KIR2DL3: variants seen among roughly 807,000 people sequenced by gnomAD.
KIR2DL3 encodes killer cell immunoglobulin like receptor, two Ig domains and long cytoplasmic tail 3.
KIR2DL3 carries 39 observed loss-of-function variants against 33.8 expected under a neutral mutation model. That is an observed-to-expected ratio of 1.15 (90% CI 0.89 to 1.51). The LOEUF is 1.51. Among genes scored for constraint, KIR2DL3 ranks in the 40% most tolerant of loss-of-function variants. KIR2DL3 has a pLI of 0.00. For missense variants in KIR2DL3, 462 were observed against 426.2 expected, an observed-to-expected ratio of 1.08 and a Z score of -0.74; for synonymous variants, 174 against 160.2, an observed-to-expected ratio of 1.09 and a Z score of -0.65.
At chr19:54,747,524 C>G in intron 5 of KIR2DL3, 139 bp downstream of exon 5, 2 of 1,156,316 alleles carry the variant, frequency 1.7e-6, no homozygotes, top group Non-Finnish European at 2.6e-6. Context: ...GATACTCCAA[C>G]AGCGAAAGGG....
chr19:54,739,044 G>A (rs796738258), intron 1 of KIR2DL3, among the ~76,000 whole-genome samples: 101 of 148,832 alleles, frequency 6.8e-4, no homozygotes, highest in African/African-American at 2.5e-3. Context: ...TATGGGCCAG[G>A]AGTGGAGTTA....
chr19:54,751,541 T>C lies in KIR2DL3; in HGVS notation c.716-108T>C, dbSNP rs1218111101. Reference sequence around the variant, plus strand: ...GGGTCTCCCTCCATCTGGGTGCTTGTCCTAAAGGGGTGTTGTATGTGGTTA... The same window carrying C: ...GGGTCTCCCTCCATCTGGGTGCTTGCCCTAAAGGGGTGTTGTATGTGGTTA... On this transcript the variant is annotated intron_variant, in intron 5 of 7. Coordinates refer to ENST00000342376, the MANE Select transcript of KIR2DL3 (RefSeq NM_015868.3). The C allele has an allele frequency of 1.0e-5, 10 of 957,284 alleles. 2 individuals carry two copies. The Admixed American group carries it at 2.0e-4, about 19-fold the overall frequency. 59.3% of individuals were successfully genotyped at this position (957,284 alleles called of 1,614,324 possible).
At chr19:54,741,163 A>C (rs2071014597) in intron 2 of KIR2DL3, among the ~76,000 whole-genome samples, 2 of 150,616 alleles carry the variant, frequency 1.3e-5, no homozygotes, top group Non-Finnish European at 3.0e-5. Flanking sequence ...AACCCAGGTC[A>C]AGGACAAGTT....
rs766213120 is a variant in KIR2DL3 at position 54,742,295 on chromosome 19, C to T, written c.370+16C>T. On this transcript the variant is annotated intron_variant, in intron 3 of 7. Coordinates refer to ENST00000342376, the MANE Select transcript of KIR2DL3 (RefSeq NM_015868.3). ...GTCATCACAGGTGAGAGTGTCCGGACATTCTCATTGTCATTGGGATGCAGA... is the reference window on the plus strand; with the variant it reads ...GTCATCACAGGTGAGAGTGTCCGGATATTCTCATTGTCATTGGGATGCAGA... The T allele has an allele frequency of 2.5e-6, 4 of 1,595,064 alleles. No homozygotes were observed. The East Asian group carries it at 8.9e-5, about 36-fold the overall frequency.
intron 4 of KIR2DL3, 149 bp downstream of exon 4, chr19:54,744,237 C>G: frequency 7.7e-7 from 1 of 1,297,548 alleles, no homozygotes; most frequent in Non-Finnish European, 1.1e-6. Flanking sequence ...GGATGGCAGA[C>G]AGGGCACCTC....
At position 54,751,280 on chromosome 19, in the gene KIR2DL3, C is replaced by T. The variant is rs1199358293; in HGVS notation, c.716-369C>T. On this transcript the variant is annotated intron_variant, in intron 5 of 7. Coordinates refer to ENST00000342376, the MANE Select transcript of KIR2DL3 (RefSeq NM_015868.3). ...AAGCTCTTTTGAACAACCAGCTCTC[C>T]AGGAACTAATAGAAGGGGAACTTGC... 3.8e-5 allele frequency among the ~76,000 whole-genome samples: 5 copies of T among 131,248 alleles called. 1 individual carries two copies. Among genetic ancestry groups the T allele is most frequent in the African/African-American group, 1.2e-4 (4 of 34,306 alleles). 86.1% of individuals were successfully genotyped at this position (131,248 alleles called of 152,430 possible). A position where few individuals can be genotyped will look rare whatever the true frequency, so the allele number is the denominator to read the frequency against.
intron 2 of KIR2DL3, among the ~76,000 whole-genome samples, chr19:54,740,658 G>T (rs1485161795): frequency 6.6e-6 from 1 of 151,828 alleles, no homozygotes; most frequent in Non-Finnish European, 1.5e-5. Flanking sequence ...GACTGTATTT[G>T]TGGTAAAGGG....
chr19:54,744,941 TATATATATA>T (rs2072145936), intron 4 of KIR2DL3, among the ~76,000 whole-genome samples: 12 of 26,498 alleles, frequency 4.5e-4, no homozygotes, highest in Admixed American at 1.7e-3. Context: ...TATATATATA[TATATATATA>T]TATATTTTTT....
intron 2 of KIR2DL3, among the ~76,000 whole-genome samples, chr19:54,741,184 C>T (rs1322789968): frequency 6.6e-6 from 1 of 150,402 alleles, no homozygotes; most frequent in African/African-American, 2.5e-5. Flanking sequence ...AAGAAACAAC[C>T]CAAGGAAAGC....
rs1209931054 is a variant in KIR2DL3, at chr19:54,752,333, C to T, written c.874-34C>T. ...CCCAAAGAGTCCTGGAAAATGTGAG[C>T]ACCCTCCCTCACTCAGCATTTCCCT... On this transcript the variant is annotated intron_variant, in intron 7 of 7. Transcript: ENST00000342376. The T allele has an allele frequency of 7.4e-6, 11 of 1,480,308 alleles. 1 individual carries two copies. The highest frequency in any genetic ancestry group is 1.0e-5 in the Non-Finnish European group (11 of 1,084,670). 91.7% of individuals were successfully genotyped at this position (1,480,308 alleles called of 1,614,324 possible).
chr19:54,744,791 C>T (rs2071980821), intron 4 of KIR2DL3, among the ~76,000 whole-genome samples: 1 of 149,712 alleles, frequency 6.7e-6, no homozygotes, highest in Non-Finnish European at 1.5e-5. Flanking sequence ...TCCCAAAGTG[C>T]TGGGATTACA....
In KIR2DL3 at chr19:54,744,008, C is replaced by A; in HGVS notation, c.584C>A (p.Thr195Asn). Residue 195 changes from threonine (T) to asparagine (N), a missense_variant, in exon 4 of 8, where the codon ACC (threonine) becomes AAC (asparagine). Transcript: ENST00000342376. ...CTGGGCCCTGCCACCCACGGAGGAACCTACAGATGCTTCGGCTCTTTCCGT... is the reference window on the plus strand; with the variant it reads ...CTGGGCCCTGCCACCCACGGAGGAAACTACAGATGCTTCGGCTCTTTCCGT... ...FPLGPATHGG[T>N]YRCFGSFRDS... is the part of the protein sequence containing the mutation. 4 of 1,614,192 alleles carry A rather than the reference C, an allele frequency of 2.5e-6. No homozygotes were observed. Among genetic ancestry groups the A allele is most frequent in the Non-Finnish European group, 3.4e-6 (4 of 1,180,012 alleles).
chr19:54,744,636 C>T (rs375900782), intron 4 of KIR2DL3, among the ~76,000 whole-genome samples: 4,185 of 150,684 alleles, frequency 0.028, 76 homozygotes, highest in Middle Eastern at 0.072. Context: ...AAGTGATTCT[C>T]CTGCTTCAGC....
At chr19:54,741,300 A>T (rs1165742412) in intron 2 of KIR2DL3, among the ~76,000 whole-genome samples, 1 of 151,108 alleles carries the variant, frequency 6.6e-6, no homozygotes, top group Non-Finnish European at 1.5e-5. Flanking sequence ...AGACCACACC[A>T]CTTCACTCCA....
At chr19:54,750,775 A>G (rs79467654) in intron 5 of KIR2DL3, among the ~76,000 whole-genome samples, 6,154 of 97,922 alleles carry the variant, frequency 0.063, 311 homozygotes, top group South Asian at 0.13. Flanking sequence ...GACAACAGAA[A>G]CCTACATTTC....
rs557795207 is a variant in KIR2DL3 at position 54,740,776 on chromosome 19, G to A, written c.71-1204G>A. Reference sequence around the variant, plus strand: ...TGACTATTTATGTTATAGGGGAAGGGACTGAAGGGGAAGATGGAGCTCATG... The same window carrying A: ...TGACTATTTATGTTATAGGGGAAGGAACTGAAGGGGAAGATGGAGCTCATG... On this transcript the variant is annotated intron_variant, in intron 2 of 7. Transcript: ENST00000342376. 1.2e-3 allele frequency among the ~76,000 whole-genome samples: 178 copies of A among 152,226 alleles called. 1 individual carries two copies. The highest frequency in any genetic ancestry group is 2.2e-3 in the Non-Finnish European group (148 of 68,012).
In KIR2DL3 at chr19:54,751,065, G is replaced by A. The variant is rs76118168; in HGVS notation, c.716-584G>A. Among the ~76,000 whole-genome samples the A allele has an allele frequency of 3.1e-3, 357 of 113,976 alleles. 54 individuals are homozygous for A. Among genetic ancestry groups the A allele is most frequent in the African/African-American group, 8.8e-3 (267 of 30,368 alleles). The allele number at this position is 113,976 out of a possible 152,430, so 74.8% of individuals were successfully genotyped here. ...AACACTTGAGCCTGGGTAACTTCTA[G>A]AGAAAAGAGATTGGTTTGCCTCACA... On this transcript the variant is annotated intron_variant, in intron 5 of 7. Coordinates refer to ENST00000342376, the MANE Select transcript of KIR2DL3 (RefSeq NM_015868.3).
chr19:54,743,029 G>C (rs1243150178), intron 3 of KIR2DL3, among the ~76,000 whole-genome samples: 3 of 151,842 alleles, frequency 2.0e-5, no homozygotes, highest in East Asian at 1.9e-4. Context: ...GCAGAGAAAA[G>C]CACTAAAATT....
At chr19:54,744,535 T>C (rs1236194727) in intron 4 of KIR2DL3, among the ~76,000 whole-genome samples, 1 of 138,028 alleles carries the variant, frequency 7.2e-6, no homozygotes, top group Non-Finnish European at 1.6e-5. Context: ...TTAACATTTT[T>C]TTTTTTTTTG....
Sources: allele counts gnomAD v4.1 joint callset (sites outside exome capture counted in the v4.1 genomes callset), GRCh38; gene constraint gnomAD v4.1.1; transcripts MANE v1.5; gene names NCBI Gene and HGNC (gene_info 2026-07-23, HGNC 2026-07-21).